The following GFRA1 variants were observed in gnomAD, a reference collection of about 807,000 sequenced individuals.
GFRA1 encodes the protein GDNF family receptor alpha 1.
Under a neutral mutation model 51.6 loss-of-function variants are expected in GFRA1, and 16 were observed. The observed-to-expected ratio is 0.31, with a 90% CI of 0.21 to 0.47. The LOEUF (loss-of-function observed/expected upper bound fraction) is 0.47. Ranked by LOEUF, GFRA1 falls within the 20% of genes least tolerant of loss-of-function variation. GFRA1 has a pLI of 1.00. For synonymous variants in GFRA1, 270 were observed against 241.3 expected, an observed-to-expected ratio of 1.12 and a Z score of -1.10; for missense variants, 530 against 594.3, an observed-to-expected ratio of 0.89 and a Z score of 1.13.
chr10:116,164,832 G>A (rs1468850470), intron 5 of GFRA1, among the ~76,000 whole-genome samples: 6 of 152,018 alleles, frequency 3.9e-5, no homozygotes, highest in Non-Finnish European at 7.4e-5. Flanking sequence ...GCCGGCCCTC[G>A]TTTTCTTATT....
At chr10:116,104,691 C>T (rs1337943589) in intron 6 of GFRA1, among the ~76,000 whole-genome samples, 1 of 152,184 alleles carries the variant, frequency 6.6e-6, no homozygotes, top group Non-Finnish European at 1.5e-5. Context: ...GGCATCTGAT[C>T]AATTTTGGCA....
Position 116,190,162 on chromosome 10 carries a change from T to G in GFRA1, c.433+21469A>C, listed in dbSNP as rs115763618. ...GCCATCATTCATTCAACACATTGACTGTACTTCTCTTCAATAAGCCCTGTG... is the reference window on the plus strand; with the variant it reads ...GCCATCATTCATTCAACACATTGACGGTACTTCTCTTCAATAAGCCCTGTG... On this transcript the variant is annotated intron_variant, in intron 5 of 10. Transcript: ENST00000355422. Among the ~76,000 whole-genome samples, 505 of 152,332 alleles carry G rather than the reference T, an allele frequency of 3.3e-3. 1 individual carries two copies. Among genetic ancestry groups the G allele is most frequent in the African/African-American group, 0.012 (491 of 41,580 alleles).
intron 9 of GFRA1, among the ~76,000 whole-genome samples, chr10:116,068,098 A>G (rs1361054467): frequency 6.6e-6 from 1 of 152,198 alleles, no homozygotes; most frequent in Non-Finnish European, 1.5e-5. Context: ...GAGTCCAAGT[A>G]AGAATACGCA....
intron 6 of GFRA1, among the ~76,000 whole-genome samples, chr10:116,119,423 A>G (rs1049936739): frequency 6.6e-6 from 1 of 152,234 alleles, no homozygotes; most frequent in Non-Finnish European, 1.5e-5. Flanking sequence ...AAACTGCTCA[A>G]ATGAACTGGA....
At chr10:116,116,016 A>C (rs1478482458) in intron 6 of GFRA1, among the ~76,000 whole-genome samples, 1 of 151,656 alleles carries the variant, frequency 6.6e-6, no homozygotes, top group Non-Finnish European at 1.5e-5. Context: ...ACCCCCGCCC[A>C]CCTCCTCTTC....
Position 116,272,202 on chromosome 10 carries a change from C to T in GFRA1, c.-173G>A. 2 of 661,720 alleles carry T rather than the reference C, an allele frequency of 3.0e-6. No individual in the cohort carries two copies. Among genetic ancestry groups the T allele is most frequent in the Non-Finnish European group, 5.3e-6 (2 of 375,548 alleles). The allele number at this position is 661,720 out of a possible 1,614,324, so 41.0% of individuals were successfully genotyped here. On this transcript the variant is annotated 5_prime_UTR_variant, in exon 2 of 11. Transcript: ENST00000355422. The surrounding 1 kb of genome is among the most constrained non-coding windows in gnomAD (Gnocchi z 4.4). ...ACTCCGGGTCTGGCAGCAGCCACCG[C>T]CGCCGGCGACTCAGCTCCGGGATGG...
chr10:116,176,198 C>A (rs533411161), intron 5 of GFRA1, among the ~76,000 whole-genome samples: 2 of 152,134 alleles, frequency 1.3e-5, no homozygotes, highest in African/African-American at 4.8e-5. Flanking sequence ...TACGTGTCGG[C>A]GCTCTGAAAA....
At chr10:116,198,221 C>T (rs938353902) in intron 5 of GFRA1, among the ~76,000 whole-genome samples, 2 of 149,166 alleles carry the variant, frequency 1.3e-5, no homozygotes, top group Non-Finnish European at 3.0e-5. Flanking sequence ...TTTCCTGATG[C>T]AGGATATTAA....
At chr10:116,121,297 G>A (rs1033341934) in intron 6 of GFRA1, among the ~76,000 whole-genome samples, 7 of 152,054 alleles carry the variant, frequency 4.6e-5, no homozygotes, top group Admixed American at 6.6e-5. Context: ...GCACTGCTTC[G>A]GGGGAAGACT....
intron 4 of GFRA1, among the ~76,000 whole-genome samples, chr10:116,233,984 A>G (rs868374325): frequency 6.6e-6 from 1 of 152,126 alleles, no homozygotes. Flanking sequence ...ACTTTTGGAT[A>G]TGGTTCCTTT....
At chr10:116,155,785 C>T (rs1430374185) in intron 5 of GFRA1, among the ~76,000 whole-genome samples, 3 of 152,146 alleles carry the variant, frequency 2.0e-5, no homozygotes, top group Non-Finnish European at 1.5e-5. Context: ...TCATGCTGGA[C>T]ACACGCCGGA....
At chr10:116,189,558 C>T (rs1424594555) in intron 5 of GFRA1, among the ~76,000 whole-genome samples, 2 of 152,160 alleles carry the variant, frequency 1.3e-5, no homozygotes, top group Admixed American at 1.3e-4. Context: ...AATGAACTAT[C>T]TTAAGTTTAA....
At position 116,057,360 on chromosome 10, in the gene GFRA1, T is replaced by A. The variant is rs1410726500; in HGVS notation, c.*7038A>T. 6.6e-6 allele frequency: 1 copy of A among 152,046 alleles called. No homozygotes were observed. The highest frequency in any genetic ancestry group is 1.5e-5 in the Non-Finnish European group (1 of 68,018). The allele number at this position is 152,046 out of a possible 1,614,324, so 9.4% of individuals were successfully genotyped here. Reference sequence around the variant, plus strand: ...CGAGGAGACTGGGTGTCTGAACCCCTCACTCAGGAATGAATTCTAAAAATA... The same window carrying A: ...CGAGGAGACTGGGTGTCTGAACCCCACACTCAGGAATGAATTCTAAAAATA... On this transcript the variant is annotated 3_prime_UTR_variant, in exon 11 of 11. Transcript: ENST00000355422.
chr10:116,153,938 C>T (rs776835149), intron 5 of GFRA1, among the ~76,000 whole-genome samples: 1 of 152,070 alleles, frequency 6.6e-6, no homozygotes, highest in African/African-American at 2.4e-5. Context: ...AAGGAAAGCA[C>T]TCAAACATGC....
intron 4 of GFRA1, among the ~76,000 whole-genome samples, chr10:116,243,650 T>C (rs191993744): frequency 1.5e-3 from 223 of 151,944 alleles, no homozygotes; most frequent in African/African-American, 2.8e-3. Flanking sequence ...TAAAATCACC[T>C]AGGAGCTTTA....
intron 4 of GFRA1, among the ~76,000 whole-genome samples, chr10:116,216,139 A>C (rs1965546883): frequency 6.6e-6 from 1 of 151,960 alleles, no homozygotes; most frequent in African/African-American, 2.4e-5. Context: ...CCATAAAAAG[A>C]CTCGATTATT....
At chr10:116,137,120 G>C (rs1201082157) in intron 5 of GFRA1, among the ~76,000 whole-genome samples, 2 of 152,154 alleles carry the variant, frequency 1.3e-5, no homozygotes, top group Non-Finnish European at 2.9e-5. Flanking sequence ...CCAACAGCTA[G>C]AGCAAAAAGA....
At position 116,272,100 on chromosome 10, in the gene GFRA1, G is replaced by T. The variant is rs1565696058; in HGVS notation, c.-71C>A. Reference sequence around the variant, plus strand: ...GCCGCCGCTGGGTCTTGCCGAGGGAGCTCAGCGTGCAGCGATCCCCGGACA... The same window carrying T: ...GCCGCCGCTGGGTCTTGCCGAGGGATCTCAGCGTGCAGCGATCCCCGGACA... On this transcript the variant is annotated 5_prime_UTR_variant, in exon 2 of 11. Coordinates refer to ENST00000355422, the MANE Select transcript of GFRA1 (RefSeq NM_005264.8). This position sits in a 1 kb window ranked among gnomAD's most constrained non-coding sequence, Gnocchi z 4.4. The T allele has an allele frequency of 1.1e-5, 14 of 1,298,562 alleles. No individual in the cohort carries two copies. The highest frequency in any genetic ancestry group is 1.5e-5 in the Non-Finnish European group (14 of 918,660). The allele number at this position is 1,298,562 out of a possible 1,614,324, so 80.4% of individuals were successfully genotyped here. A position where few individuals can be genotyped will look rare whatever the true frequency, so the allele number is the denominator to read the frequency against.
At chr10:116,230,860 A>G (rs1160647928) in intron 4 of GFRA1, among the ~76,000 whole-genome samples, 1 of 152,204 alleles carries the variant, frequency 6.6e-6, no homozygotes, top group Non-Finnish European at 1.5e-5. Flanking sequence ...GAGAGGAGGA[A>G]CACTCAAAGT....
Sources: gnomAD v4.1 joint callset for allele counts (sites outside exome capture counted in the v4.1 genomes callset) on GRCh38, gnomAD v4.1.1 for gene constraint, Gnocchi (gnomAD v3.1) non-coding constraint, MANE v1.5 for transcripts, NCBI Gene and HGNC (gene_info 2026-07-23, HGNC 2026-07-21) for gene names.